The following CACTIN variants were observed in gnomAD, a reference collection of about 807,000 sequenced individuals.
CACTIN encodes cactin, spliceosome C complex subunit.
Under a neutral mutation model 84.9 loss-of-function variants are expected in CACTIN, and 20 were observed. The observed-to-expected ratio is 0.24, with a 90% confidence interval of 0.17 to 0.34. CACTIN has a LOEUF of 0.34. CACTIN is among the 10% of genes least tolerant of loss of function. CACTIN has a pLI of 1.00. For synonymous variants in CACTIN, 549 were observed against 467.9 expected (o/e 1.17, Z -2.24); for missense variants, 897 against 1,117.2 (o/e 0.80, Z 2.81).
chr19:3,623,422 A>G (rs958629696), intron 2 of CACTIN, among the ~76,000 whole-genome samples: 24 of 150,958 alleles, frequency 1.6e-4, no homozygotes, highest in Non-Finnish European at 3.4e-4. Context: ...CCAGCTACTC[A>G]GGAGGCTGAG....
chr19:3,624,036 C>A lies in CACTIN; in HGVS notation c.294G>T (p.Gln98His), dbSNP rs754638301. The change falls in exon 2 of 10, where the codon CAG becomes CAT. Residue 98 changes from glutamine (Q) to histidine (H), a missense_variant. Gln to His is a conservative substitution (Grantham distance 24, BLOSUM62 0). This residue lies in a region of CACTIN where 261 missense variants were observed against 243.8 expected (regional missense o/e 1.07). Coordinates refer to ENST00000429344, the MANE Select transcript of CACTIN (RefSeq NM_001080543.2). Reference protein sequence around the residue: ...SDSGEEQSRGQWARRRRRARS... With the variant: ...SDSGEEQSRGHWARRRRRARS... Reference sequence around the variant, plus strand: ...GTGCGCGCCGTCGCCGGCGAGCCCACTGGCCCCGTGACTGCTCCTCTCCTG... The same window carrying A: ...GTGCGCGCCGTCGCCGGCGAGCCCAATGGCCCCGTGACTGCTCCTCTCCTG... 1.9e-6 allele frequency: 3 copies of A among 1,605,420 alleles called. No homozygotes were observed. The South Asian group carries it at 3.3e-5, about 18-fold the overall frequency.
intron 9 of CACTIN, 88 bp from the exon 10 acceptor site, chr19:3,612,501 G>T: frequency 6.9e-7 from 1 of 1,457,884 alleles, no homozygotes. Context: ...GCGGCCGCTG[G>T]TGCCTCCCGC....
chr19:3,617,906 C>T (rs1199866073), intron 6 of CACTIN, among the ~76,000 whole-genome samples: 1 of 152,166 alleles, frequency 6.6e-6, no homozygotes, highest in Non-Finnish European at 1.5e-5. Flanking sequence ...CCGGGGAACA[C>T]AAAGCTCCAC....
At chr19:3,621,520 A>AC in intron 2 of CACTIN, among the ~76,000 whole-genome samples, 1 of 151,962 alleles carries the variant, frequency 6.6e-6, no homozygotes, top group South Asian at 2.1e-4. Flanking sequence ...GCTGGGGACC[A>AC]CCCCCAGACA....
At chr19:3,614,714 A>C in intron 6 of CACTIN, 125 bp from the exon 7 acceptor site, 1 of 744,694 alleles carries the variant, frequency 1.3e-6, no homozygotes, top group Non-Finnish European at 2.3e-6. Flanking sequence ...CAGGGGTCCC[A>C]TCCAGTCCCG....
chr19:3,612,817 G>T (rs1256152852), intron 9 of CACTIN: 1 of 709,372 alleles, frequency 1.4e-6, no homozygotes, highest in South Asian at 1.5e-5. Context: ...CTCGGACAGC[G>T]GCCGGTAAAA....
At chr19:3,623,193 C>T (rs1031864077) in intron 2 of CACTIN, among the ~76,000 whole-genome samples, 2 of 152,120 alleles carry the variant, frequency 1.3e-5, no homozygotes, top group Non-Finnish European at 2.9e-5. Flanking sequence ...CACGATCACG[C>T]CACTGCACTC....
chr19:3,626,174 T>C (rs2033327791), intron 1 of CACTIN, among the ~76,000 whole-genome samples: 1 of 152,050 alleles, frequency 6.6e-6, no homozygotes, highest in African/African-American at 2.4e-5. Context: ...CGCTCCTGCC[T>C]ACCCCGCTCC....
In CACTIN at chr19:3,612,297, C is replaced by T. The variant is rs2032978351; in HGVS notation, c.1903G>A (p.Ala635Thr). 2 of 1,613,010 alleles carry T rather than the reference C, an allele frequency of 1.2e-6. No individual in the cohort carries two copies. Among genetic ancestry groups the T allele is most frequent in the Non-Finnish European group, 1.7e-6 (2 of 1,179,894 alleles). Reference sequence around the variant, plus strand: ...GGCTTGCGTGGCCGGTACTTGTCGGCCCACAGGTAGGCCTTGCCGGTGAGT... The same window carrying T: ...GGCTTGCGTGGCCGGTACTTGTCGGTCCACAGGTAGGCCTTGCCGGTGAGT... ...MPLTGKAYLW[A>T]DKYRPRKPRF... The change falls in exon 10 of 10, where the codon GCC becomes ACC. Residue 635 changes from alanine (A) to threonine (T), a missense_variant. Physicochemically the swap from Ala to Thr is moderately conservative, Grantham distance 58 (BLOSUM62 0). Transcript: ENST00000429344.
intron 7 of CACTIN, 164 bp from the exon 8 acceptor site, chr19:3,613,750 A>G (rs973553617): frequency 1.5e-5 from 15 of 977,662 alleles, no homozygotes; most frequent in Middle Eastern, 3.3e-4. Flanking sequence ...TTCAGGGTCA[A>G]GGCTTATGGG....
Position 3,613,135 on chromosome 19 carries a change from G to A in CACTIN, c.1709C>T (p.Pro570Leu). 3 of 1,607,266 alleles carry A rather than the reference G, an allele frequency of 1.9e-6. No individual in the cohort carries two copies. Among genetic ancestry groups the A allele is most frequent in the Non-Finnish European group, 2.5e-6 (3 of 1,178,800 alleles). The change falls in exon 9 of 10, where the codon CCA becomes CTA. Residue 570 changes from proline (P) to leucine (L), a missense_variant. Around this residue, in one of 8 missense-constraint regions of CACTIN, gnomAD observed 243 missense variants for 239.9 expected, o/e 1.01. Coordinates refer to ENST00000429344, the MANE Select transcript of CACTIN (RefSeq NM_001080543.2). ...CGGTTCCAGCACGTGCGCGTCCAGT[G>A]GCAGCTCGTGCGCCGTGAGCAGCCG... Reference protein sequence around the residue: ...SPRLLTAHELPLDAHVLEPDE... With the variant: ...SPRLLTAHELLLDAHVLEPDE...
At chr19:3,613,684 G>C (rs117503839) in intron 7 of CACTIN, 98 bp from the exon 8 acceptor site, 16,848 of 1,485,962 alleles carry the variant, frequency 0.011, 110 homozygotes, top group Non-Finnish European at 0.014. Context: ...CAAGGACCCT[G>C]AGAAGGTGGC....
In CACTIN at chr19:3,624,035, A is replaced by G. The variant is rs750733184; in HGVS notation, c.295T>C (p.Trp99Arg). ...CGTGCGCGCCGTCGCCGGCGAGCCC[A>G]CTGGCCCCGTGACTGCTCCTCTCCT... ...DSGEEQSRGQ[W>R]ARRRRRARSW... Residue 99 changes from tryptophan to arginine, a missense_variant, in exon 2 of 10, where the codon TGG (tryptophan) becomes CGG (arginine). Around this residue, in one of 8 missense-constraint regions of CACTIN, gnomAD observed 261 missense variants for 243.8 expected, o/e 1.07. Coordinates refer to ENST00000429344, the MANE Select transcript of CACTIN (RefSeq NM_001080543.2). The G allele has an allele frequency of 2.6e-5, 42 of 1,605,360 alleles. 1 individual carries two copies. In the South Asian group the frequency reaches 3.5e-4, roughly 13 times the overall value.
rs898647637 is a variant in CACTIN, at chr19:3,611,416, C to T, written c.*507G>A. 11 of 419,926 alleles carry T rather than the reference C, an allele frequency of 2.6e-5. No homozygotes were observed. Among genetic ancestry groups the T allele is most frequent in the East Asian group, 1.5e-4 (2 of 13,692 alleles). 26.0% of individuals were successfully genotyped at this position (419,926 alleles called of 1,614,324 possible). A position where few individuals can be genotyped will look rare whatever the true frequency, so the allele number is the denominator to read the frequency against. ...CAGGGCTGGAGCTGCCCCACAGCCG[C>T]GGGCTCTGCCTCACGCCCAGTGGGT... On this transcript the variant is annotated 3_prime_UTR_variant, in exon 10 of 10. Coordinates refer to ENST00000429344, the MANE Select transcript of CACTIN (RefSeq NM_001080543.2).
At chr19:3,621,994 T>C (rs965959693) in intron 2 of CACTIN, among the ~76,000 whole-genome samples, 3 of 152,192 alleles carry the variant, frequency 2.0e-5, no homozygotes, top group Non-Finnish European at 2.9e-5. Context: ...CACAAGTGGA[T>C]GCTGCTTCAG....
At position 3,615,814 on chromosome 19, in the gene CACTIN, T is replaced by C. The variant is rs949345709; in HGVS notation, c.1163-1225A>G. On this transcript the variant is annotated intron_variant, in intron 6 of 9. Coordinates refer to ENST00000429344, the MANE Select transcript of CACTIN (RefSeq NM_001080543.2). The surrounding 1 kb of genome is among the most constrained non-coding windows in gnomAD (Gnocchi z 5.2). ...TGGATAGAGTCTAGACGGACCCGAG[T>C]CCCCTCCAGCCAATCACCTGGGACC... 1 of 151,506 alleles carries C rather than the reference T, an allele frequency of 6.6e-6. No individual in the cohort carries two copies. Among genetic ancestry groups the C allele is most frequent in the African/African-American group, 2.4e-5 (1 of 41,132 alleles). The allele number at this position is 151,506 out of a possible 1,614,324, so 9.4% of individuals were successfully genotyped here. A position where few individuals can be genotyped will look rare whatever the true frequency, so the allele number is the denominator to read the frequency against.
Position 3,613,228 on chromosome 19 carries a change from GCCTCGCCCTCGC to G in CACTIN, c.1604_1615del (p.Gly535_Glu538del), listed in dbSNP as rs377027152. The G allele has an allele frequency of 2.6e-5, 42 of 1,610,998 alleles. No homozygotes were observed. Among genetic ancestry groups the G allele is most frequent in the South Asian group, 2.0e-4 (18 of 91,068 alleles). ...GATCAGGTCCTCCTCCATGAGCACC[GCCTCGCCCTCGC>G]CCTCGCCCTCACCGTCCCCGTCGCC... On this transcript the variant is annotated inframe_deletion, in exon 9 of 10. Coordinates refer to ENST00000429344, the MANE Select transcript of CACTIN (RefSeq NM_001080543.2).
rs368303299 is a variant in CACTIN at position 3,612,384 on chromosome 19, A to G, written c.1816T>C (p.Phe606Leu). The G allele has an allele frequency of 2.5e-6, 4 of 1,603,706 alleles. No homozygotes were observed. In the South Asian group the frequency reaches 4.4e-5, roughly 18 times the overall value. ...ATGCCCTCCTTGGCCCGCCGGAAGA[A>G]GATGTCCTCGGCGCTCTCGCTGGCG... The part of the protein sequence containing the change: ...GDASESAEDI[F>L]FRRAKEGMGQ... Residue 606 changes from phenylalanine to leucine, a missense_variant, in exon 10 of 10, where the codon TTC (phenylalanine) becomes CTC (leucine). Around this residue, in one of 8 missense-constraint regions of CACTIN, gnomAD observed 243 missense variants for 239.9 expected, o/e 1.01. Coordinates refer to ENST00000429344, the MANE Select transcript of CACTIN (RefSeq NM_001080543.2).
intron 3 of CACTIN, 116 bp from the exon 4 acceptor site, chr19:3,620,388 G>A (rs1174072486): frequency 6.7e-6 from 8 of 1,195,044 alleles, no homozygotes; most frequent in Non-Finnish European, 9.6e-6. Context: ...CACAGGGATT[G>A]GTCCGGAGAT....
Sources: allele counts gnomAD v4.1 joint callset (sites outside exome capture counted in the v4.1 genomes callset), GRCh38; gene constraint gnomAD v4.1.1; regional missense constraint gnomAD v4.1.1; non-coding constraint Gnocchi (gnomAD v3.1); transcripts MANE v1.5; gene names NCBI Gene and HGNC (gene_info 2026-07-23, HGNC 2026-07-21).